Variants in GALNTL6 observed in about 807,000 individuals in gnomAD.
The protein encoded by GALNTL6 is polypeptide N-acetylgalactosaminyltransferase like 6.
In GALNTL6, 46 loss-of-function variants were observed where a neutral mutation model predicts 73.7. That is an observed-to-expected ratio of 0.62 (90% CI 0.49 to 0.80). The LOEUF is 0.80. GALNTL6 is among the 30% of genes least tolerant of loss of function. The pLI, the probability that GALNTL6 is intolerant of heterozygous loss-of-function variation, is 0.00. For synonymous variants in GALNTL6, 259 were observed against 263.7 expected (o/e 0.98, Z 0.17); for missense variants, 604 against 755.0 (o/e 0.80, Z 2.34).
At chr4:172,690,601 A>G (rs1356439475) in intron 5 of GALNTL6, among the ~76,000 whole-genome samples, 1 of 152,078 alleles carries the variant, frequency 6.6e-6, no homozygotes, top group African/African-American at 2.4e-5. Context: ...AATGGAATTG[A>G]CTCCTTTTCA....
At chr4:173,025,124 G>A (rs546849951) in intron 12 of GALNTL6, among the ~76,000 whole-genome samples, 1 of 152,242 alleles carries the variant, frequency 6.6e-6, no homozygotes, top group South Asian at 2.1e-4. Flanking sequence ...ATTTTTAGAT[G>A]TGGCTCTTTG....
At chr4:171,882,398 G>T (rs77828533) in intron 2 of GALNTL6, among the ~76,000 whole-genome samples, 1 of 152,168 alleles carries the variant, frequency 6.6e-6, no homozygotes, top group Non-Finnish European at 1.5e-5. Flanking sequence ...TGAGATACAG[G>T]TTTATATGAA....
intron 8 of GALNTL6, among the ~76,000 whole-genome samples, chr4:172,927,534 A>T (rs927510905): frequency 2.0e-5 from 3 of 152,166 alleles, no homozygotes; most frequent in African/African-American, 7.2e-5. Context: ...CGCAAATTCA[A>T]AAAAAGGCAC....
chr4:172,576,042 G>A (rs956954390), intron 5 of GALNTL6, among the ~76,000 whole-genome samples: 1 of 152,074 alleles, frequency 6.6e-6, no homozygotes, highest in Admixed American at 6.5e-5. Context: ...CATCAGGGAA[G>A]GGGTTTTCTT....
At chr4:172,471,429 T>C (rs1237797343) in intron 5 of GALNTL6, among the ~76,000 whole-genome samples, 1 of 152,254 alleles carries the variant, frequency 6.6e-6, no homozygotes, top group African/African-American at 2.4e-5. Context: ...TTGTTTTGTT[T>C]ATGTTTTACC....
chr4:172,299,060 A>T (rs939580460), intron 3 of GALNTL6, among the ~76,000 whole-genome samples: 4 of 152,214 alleles, frequency 2.6e-5, no homozygotes, highest in Non-Finnish European at 4.4e-5. Context: ...TTATTGGTCT[A>T]TTCAGAGATT....
At chr4:172,213,186 C>G (rs952190255) in intron 2 of GALNTL6, among the ~76,000 whole-genome samples, 2 of 151,936 alleles carry the variant, frequency 1.3e-5, no homozygotes, top group Admixed American at 6.6e-5. Flanking sequence ...TATCCACTTG[C>G]TATTGAAGGA....
chr4:172,352,227 G>A (rs1234366060), intron 5 of GALNTL6, among the ~76,000 whole-genome samples: 1 of 152,028 alleles, frequency 6.6e-6, no homozygotes, highest in Non-Finnish European at 1.5e-5. Flanking sequence ...TTCTCAAAAT[G>A]CTTTAAAAAA....
chr4:172,364,389 G>A (rs1461758184), intron 5 of GALNTL6, among the ~76,000 whole-genome samples: 1 of 152,128 alleles, frequency 6.6e-6, no homozygotes, highest in African/African-American at 2.4e-5. Context: ...CTGCACTTCA[G>A]CCAGGGCCAC....
At chr4:172,579,007 T>A (rs987537269) in intron 5 of GALNTL6, among the ~76,000 whole-genome samples, 2 of 152,220 alleles carry the variant, frequency 1.3e-5, no homozygotes, top group Admixed American at 6.5e-5. Flanking sequence ...CAACTTTAGA[T>A]AATCAGCTGA....
chr4:172,163,805 C>T (rs963894097), intron 2 of GALNTL6, among the ~76,000 whole-genome samples: 7 of 151,910 alleles, frequency 4.6e-5, no homozygotes, highest in Admixed American at 3.9e-4. Flanking sequence ...AAAGATGGTT[C>T]GTTAAAGGCA....
intron 2 of GALNTL6, among the ~76,000 whole-genome samples, chr4:172,226,585 G>C: frequency 2.2e-5 from 1 of 44,654 alleles, no homozygotes; most frequent in South Asian, 9.2e-4. Context: ...GTGTGTCTGT[G>C]TGTCTGTGTG....
intron 5 of GALNTL6, among the ~76,000 whole-genome samples, chr4:172,585,844 C>G (rs916173528): frequency 4.6e-5 from 7 of 151,684 alleles, no homozygotes; most frequent in African/African-American, 9.7e-5. Flanking sequence ...AAAAAATGGG[C>G]AAAAGATATG....
chr4:172,416,036 G>T (rs1730817653), intron 5 of GALNTL6, among the ~76,000 whole-genome samples: 1 of 152,086 alleles, frequency 6.6e-6, no homozygotes, highest in Non-Finnish European at 1.5e-5. Context: ...ACAATATGAG[G>T]GGTGGTCTCC....
chr4:171,840,460 A>G lies in GALNTL6; in HGVS notation c.138+25742A>G, dbSNP rs576392141. On this transcript the variant is annotated intron_variant, in intron 2 of 12. Coordinates refer to ENST00000506823, the MANE Select transcript of GALNTL6 (RefSeq NM_001034845.3). ...TGGCATGCTGTGACCCTTAGCACTA[A>G]ACATCAGCTCTGTGCCTCTCTCCAC... 8.5e-5 allele frequency among the ~76,000 whole-genome samples: 13 copies of G among 152,286 alleles called. No homozygotes were observed. In the South Asian group the frequency reaches 2.7e-3, roughly 32 times the overall value.
At chr4:172,079,284 T>C (rs1042043392) in intron 2 of GALNTL6, among the ~76,000 whole-genome samples, 2 of 152,108 alleles carry the variant, frequency 1.3e-5, no homozygotes, top group African/African-American at 2.4e-5. Context: ...TTATAGATAA[T>C]GTAGATTTGG....
chr4:172,536,033 G>C (rs1313212728), intron 5 of GALNTL6, among the ~76,000 whole-genome samples: 7 of 152,158 alleles, frequency 4.6e-5, no homozygotes, highest in Non-Finnish European at 1.0e-4. Context: ...ATGATAGTGA[G>C]TTCTCATGAG....
intron 2 of GALNTL6, among the ~76,000 whole-genome samples, chr4:171,955,598 T>A (rs1271274399): frequency 6.6e-6 from 1 of 152,154 alleles, no homozygotes; most frequent in Non-Finnish European, 1.5e-5. Context: ...GCGATGTAAA[T>A]TCTATGTAAA....
chr4:172,144,750 T>C (rs1733885609), intron 2 of GALNTL6, among the ~76,000 whole-genome samples: 1 of 152,210 alleles, frequency 6.6e-6, no homozygotes, highest in African/African-American at 2.4e-5. Flanking sequence ...AAAATTATAA[T>C]GTCAAACCTT....
Sources: allele counts gnomAD v4.1 joint callset (sites outside exome capture counted in the v4.1 genomes callset), GRCh38; gene constraint gnomAD v4.1.1; transcripts MANE v1.5; gene names NCBI Gene and HGNC (gene_info 2026-07-23, HGNC 2026-07-21).